PIWIL2: variants seen among roughly 807,000 people sequenced by gnomAD.
The protein encoded by PIWIL2 is piwi like RNA-mediated gene silencing 2.
Under a neutral mutation model 116.5 loss-of-function variants are expected in PIWIL2, and 81 were observed. That is an observed-to-expected ratio of 0.70 (90% CI 0.58 to 0.84). The LOEUF (loss-of-function observed/expected upper bound fraction) is 0.84. Ranked by LOEUF, PIWIL2 falls within the 40% of genes least tolerant of loss-of-function variation. PIWIL2 has a pLI of 0.00. For synonymous variants in PIWIL2, 489 were observed against 429.5 expected (o/e 1.14, Z -1.71); for missense variants, 1,272 against 1,212.3 (o/e 1.05, Z -0.73).
At chr8:22,310,928 C>T (rs1831313748) in intron 15 of PIWIL2, among the ~76,000 whole-genome samples, 184 bp from the exon 16 acceptor site, 1 of 152,208 alleles carries the variant, frequency 6.6e-6, no homozygotes, top group South Asian at 2.1e-4. Context: ...TACTGTATAA[C>T]ATTCCATTTT....
chr8:22,278,094 G>C (rs1420171469), intron 1 of PIWIL2, among the ~76,000 whole-genome samples: 1 of 152,072 alleles, frequency 6.6e-6, no homozygotes, highest in Non-Finnish European at 1.5e-5. Context: ...CTTGAACCCA[G>C]GAGGCAGAGG....
chr8:22,281,062 C>A, intron 2 of PIWIL2, 58 bp from the exon 3 acceptor site: 1 of 950,954 alleles, frequency 1.1e-6, no homozygotes, highest in Non-Finnish European at 1.6e-6. Context: ...ACTAAGAAAG[C>A]CCTTGTTTCT....
Position 22,289,941 on chromosome 8 carries a change from T to A in PIWIL2, c.1067+14T>A, listed in dbSNP as rs1176319247. The A allele has an allele frequency of 6.5e-7, 1 of 1,546,318 alleles. No homozygotes were observed. Among genetic ancestry groups the A allele is most frequent in the South Asian group, 1.1e-5 (1 of 89,270 alleles). On this transcript the variant is annotated intron_variant, in intron 9 of 22. Transcript: ENST00000356766. Reference sequence around the variant, plus strand: ...ACAGCAACACAGGTTGGTACTTTTTTCCCTTCCCTCACTTTTGAATGTTCT... The same window carrying A: ...ACAGCAACACAGGTTGGTACTTTTTACCCTTCCCTCACTTTTGAATGTTCT...
At chr8:22,288,081 G>A (rs985747317) in intron 7 of PIWIL2, among the ~76,000 whole-genome samples, 3 of 152,094 alleles carry the variant, frequency 2.0e-5, no homozygotes, top group Admixed American at 6.5e-5. Flanking sequence ...GGTGGATCAC[G>A]AGGTCACGAG....
intron 20 of PIWIL2, among the ~76,000 whole-genome samples, chr8:22,350,030 A>C (rs1832319765): frequency 6.6e-6 from 1 of 152,152 alleles, no homozygotes; most frequent in Non-Finnish European, 1.5e-5. Context: ...TTTTAGTCAT[A>C]AGGGTGAGAG....
chr8:22,310,630 TTA>T (rs1831305131), intron 15 of PIWIL2, among the ~76,000 whole-genome samples: 1 of 128,456 alleles, frequency 7.8e-6, no homozygotes, highest in South Asian at 3.1e-4. Flanking sequence ...TTTTTTTTAA[TTA>T]AATAGACCTG....
At chr8:22,322,684 G>A (rs1051137889) in intron 20 of PIWIL2, among the ~76,000 whole-genome samples, 1 of 151,796 alleles carries the variant, frequency 6.6e-6, no homozygotes, top group African/African-American at 2.4e-5. Flanking sequence ...TCCTTTACAG[G>A]CACATGCCAC....
In PIWIL2 at chr8:22,311,183, G is replaced by T. The variant is rs1419238139; in HGVS notation, c.1872G>T (p.Met624Ile). ...ACCAGGCTCGAGAACTGGTCAACAT[G>T]TTGGAGAAGATAGCCGGCCCCATTG... Reference protein sequence around the residue: ...AMDQARELVNMLEKIAGPIGM... With the variant: ...AMDQARELVNILEKIAGPIGM... The change falls in exon 16 of 23, where the codon ATG becomes ATT. Residue 624 changes from methionine (M) to isoleucine (I), a missense_variant. By Grantham distance (10) the Met-to-Ile change is conservative. Coordinates refer to ENST00000356766, the MANE Select transcript of PIWIL2 (RefSeq NM_018068.5). 29 of 1,614,062 alleles carry T rather than the reference G, an allele frequency of 1.8e-5. 1 individual carries two copies. The Admixed American group carries it at 4.8e-4, about 27-fold the overall frequency.
At chr8:22,302,471 G>T (rs765591448) in intron 10 of PIWIL2, among the ~76,000 whole-genome samples, 1 of 152,080 alleles carries the variant, frequency 6.6e-6, no homozygotes, top group Non-Finnish European at 1.5e-5. Context: ...GAGCTACTGC[G>T]CCCAGCCTAT....
rs987549463 is a variant in PIWIL2, at chr8:22,304,191, C to T, written c.1352C>T (p.Thr451Ile). The part of the protein sequence containing the change: ...SFTMSDGKEI[T>I]FLEYYSKNYG... ...ACGATGTCTGATGGGAAAGAGATCACATTCTTGGAATACTACAGGTAGCAA... is the reference window on the plus strand; with the variant it reads ...ACGATGTCTGATGGGAAAGAGATCATATTCTTGGAATACTACAGGTAGCAA... The change falls in exon 11 of 23, where the codon ACA becomes ATA. Residue 451 changes from threonine (T) to isoleucine (I), a missense_variant. Coordinates refer to ENST00000356766, the MANE Select transcript of PIWIL2 (RefSeq NM_018068.5). 1.9e-6 allele frequency: 3 copies of T among 1,612,884 alleles called. No individual in the cohort carries two copies. The South Asian group carries it at 3.3e-5, about 18-fold the overall frequency.
intron 20 of PIWIL2, among the ~76,000 whole-genome samples, chr8:22,332,504 C>T (rs1016169252): frequency 6.6e-6 from 1 of 151,946 alleles, no homozygotes; most frequent in Non-Finnish European, 1.5e-5. Context: ...ACATCTCAAG[C>T]AGGATTTATA....
chr8:22,331,451 C>T (rs1563411403), intron 20 of PIWIL2, among the ~76,000 whole-genome samples: 1 of 151,626 alleles, frequency 6.6e-6, no homozygotes. Context: ...TACTGCACTC[C>T]CTCTTTCAAC....
In PIWIL2 at chr8:22,311,298, G is replaced by A; in HGVS notation, c.1987G>A (p.Glu663Lys). The change falls in exon 16 of 23, where the codon GAG becomes AAG. Residue 663 changes from glutamate (E) to lysine (K), a missense_variant and splice_region_variant. Coordinates refer to ENST00000356766, the MANE Select transcript of PIWIL2 (RefSeq NM_018068.5). Reference sequence around the variant, plus strand: ...AACCATTCAATCCACGTTAGGAGCTGAGGTAAAAATGTAATTCAAATAAAT... The same window carrying A: ...AACCATTCAATCCACGTTAGGAGCTAAGGTAAAAATGTAATTCAAATAAAT... ...VRTIQSTLGA[E>K]GKIQMVVCII... 1.9e-6 allele frequency: 3 copies of A among 1,595,816 alleles called. No individual in the cohort carries two copies. The highest frequency in any genetic ancestry group is 1.7e-6 in the Non-Finnish European group (2 of 1,172,800).
intron 20 of PIWIL2, among the ~76,000 whole-genome samples, chr8:22,347,701 A>AT (rs1832261369): frequency 6.7e-6 from 1 of 149,508 alleles, no homozygotes; most frequent in Non-Finnish European, 1.5e-5. Context: ...TAATTTTTGT[A>AT]TTTTTAGTAG....
chr8:22,308,197 GTTTTT>G, intron 14 of PIWIL2, 124 bp downstream of exon 14: 2 of 527,976 alleles, frequency 3.8e-6, no homozygotes, highest in Admixed American at 3.9e-5. Context: ...ATTTTTCTAA[GTTTTT>G]TTTTTTTTTT....
chr8:22,336,470 A>G (rs1318594262), intron 20 of PIWIL2, among the ~76,000 whole-genome samples: 1 of 152,212 alleles, frequency 6.6e-6, no homozygotes, highest in East Asian at 1.9e-4. Flanking sequence ...TTATGGATGT[A>G]AGTAAAACAG....
chr8:22,290,208 C>G (rs751978698), intron 9 of PIWIL2, 25 bp from the exon 10 acceptor site: 6 of 1,420,786 alleles, frequency 4.2e-6, no homozygotes, highest in Non-Finnish European at 6.0e-6. Flanking sequence ...GAAAATCCTA[C>G]AGTTGAGACC....
intron 10 of PIWIL2, among the ~76,000 whole-genome samples, chr8:22,292,131 C>T (rs1296510636): frequency 1.3e-5 from 2 of 152,076 alleles, no homozygotes; most frequent in South Asian, 2.1e-4. Flanking sequence ...TGGCTAGAGC[C>T]GAGTGAGCAA....
At chr8:22,306,857 C>T (rs1483590885) in intron 13 of PIWIL2, among the ~76,000 whole-genome samples, 1 of 152,198 alleles carries the variant, frequency 6.6e-6, no homozygotes, top group African/African-American at 2.4e-5. Context: ...GTATCTACCC[C>T]TGTAGACTTA....
Sources: allele counts gnomAD v4.1 joint callset (sites outside exome capture counted in the v4.1 genomes callset), GRCh38; gene constraint gnomAD v4.1.1; transcripts MANE v1.5; gene names NCBI Gene and HGNC (gene_info 2026-07-23, HGNC 2026-07-21).